The following PTPRE variants were observed in gnomAD, a reference collection of about 807,000 sequenced individuals.
PTPRE encodes protein tyrosine phosphatase receptor type E.
PTPRE carries 51 observed loss-of-function variants against 102.0 expected under a neutral mutation model. The observed-to-expected ratio is 0.50, with a 90% CI of 0.40 to 0.63. The LOEUF (loss-of-function observed/expected upper bound fraction) is 0.63. PTPRE is among the 30% of genes least tolerant of loss of function. The pLI is 0.00. For missense variants in PTPRE, 752 were observed against 915.1 expected, an observed-to-expected ratio of 0.82 and a Z score of 2.30; for synonymous variants, 345 against 348.2, an observed-to-expected ratio of 0.99 and a Z score of 0.10.
chr10:127,926,299 T>C (rs1847006202), intron 1 of PTPRE, among the ~76,000 whole-genome samples: 1 of 152,250 alleles, frequency 6.6e-6, no homozygotes, highest in African/African-American at 2.4e-5. Flanking sequence ...GTACAGATTG[T>C]TGAAAATTTT....
rs145733690 is a variant in PTPRE at position 128,070,312 on chromosome 10, G to A, written c.1155G>A (p.Thr385=). The change falls in exon 14 of 21, where the codon ACG becomes ACA. Residue 385 remains threonine (T), a synonymous_variant. Transcript: ENST00000254667. This position sits in a 1 kb window ranked among gnomAD's most constrained non-coding sequence, Gnocchi z 4.8. ...PQMVQTDMQY[T]FIYQALLEYY... ...TGGCCTCTCTGCAGATGCAGTACAC[G>A]TTCATCTACCAAGCCTTACTCGAGT... The A allele has an allele frequency of 3.6e-5, 58 of 1,611,316 alleles. No homozygotes were observed. Among genetic ancestry groups the A allele is most frequent in the African/African-American group, 5.3e-5 (4 of 74,908 alleles).
chr10:128,057,074 G>C lies in PTPRE; in HGVS notation c.511+861G>C, dbSNP rs4595460. ...CTACTAAAAATACAAAATATTAGCCGGGCATGGTGGTGGACGCCTGTAATT... is the reference window on the plus strand; with the variant it reads ...CTACTAAAAATACAAAATATTAGCCCGGCATGGTGGTGGACGCCTGTAATT... On this transcript the variant is annotated intron_variant, in intron 7 of 20. Coordinates refer to ENST00000254667, the MANE Select transcript of PTPRE (RefSeq NM_006504.6). 8.2e-3 allele frequency among the ~76,000 whole-genome samples: 1,253 copies of C among 152,156 alleles called. 11 individuals are homozygous for C. The highest frequency in any genetic ancestry group is 0.027 in the African/African-American group (1,122 of 41,488).
At chr10:128,080,211 G>C (rs1387156925) in intron 20 of PTPRE, among the ~76,000 whole-genome samples, 1 of 152,188 alleles carries the variant, frequency 6.6e-6, no homozygotes, top group African/African-American at 2.4e-5. Context: ...TTCATTTCAA[G>C]GACTCCTGCT....
chr10:128,003,098 A>G (rs1177478042), intron 2 of PTPRE, among the ~76,000 whole-genome samples: 1 of 152,166 alleles, frequency 6.6e-6, no homozygotes, highest in South Asian at 2.1e-4. Flanking sequence ...TGTGGCTCAG[A>G]CACTGGGTTC....
At chr10:127,947,279 T>C (rs558396439) in intron 1 of PTPRE, among the ~76,000 whole-genome samples, 1 of 152,132 alleles carries the variant, frequency 6.6e-6, no homozygotes, top group East Asian at 1.9e-4. Flanking sequence ...GAAAACAAAA[T>C]AAATAAAAAT....
At chr10:128,030,792 C>T (rs922497295) in intron 2 of PTPRE, among the ~76,000 whole-genome samples, 4 of 152,156 alleles carry the variant, frequency 2.6e-5, no homozygotes, top group Non-Finnish European at 2.9e-5. Context: ...GTTCCCAGGG[C>T]CCTGTGCTCT....
rs552197029 is a variant in PTPRE, at chr10:128,045,916, G to C, written c.110-1474G>C. On this transcript the variant is annotated intron_variant, in intron 3 of 20. Coordinates refer to ENST00000254667, the MANE Select transcript of PTPRE (RefSeq NM_006504.6). The stretch of plus-strand genomic sequence containing the variant: ...AGGACAGCCAGGCTGCCAGGCTACT[G>C]ACACTGCTAGCCAGATGGGGGAGGC... Among the ~76,000 whole-genome samples, 8 of 152,314 alleles carry C rather than the reference G, an allele frequency of 5.3e-5. No homozygotes were observed. The East Asian group carries it at 1.5e-3, about 29-fold the overall frequency.
At chr10:127,937,967 A>G (rs545340097) in intron 1 of PTPRE, among the ~76,000 whole-genome samples, 2 of 152,190 alleles carry the variant, frequency 1.3e-5, no homozygotes, top group Non-Finnish European at 2.9e-5. Flanking sequence ...ATAAAGGTGT[A>G]AGAATAATTC....
At chr10:127,969,876 C>T (rs1424380619) in intron 1 of PTPRE, among the ~76,000 whole-genome samples, 1 of 151,960 alleles carries the variant, frequency 6.6e-6, no homozygotes, top group Non-Finnish European at 1.5e-5. Flanking sequence ...GGTTCTGGAG[C>T]ATCCGTGGCT....
At chr10:128,017,773 C>G (rs907665602) in intron 2 of PTPRE, among the ~76,000 whole-genome samples, 3 of 152,112 alleles carry the variant, frequency 2.0e-5, no homozygotes, top group African/African-American at 7.3e-5. Flanking sequence ...GGCGCAGAGG[C>G]TTTCACTCTG....
chr10:127,938,738 G>A (rs1009048720), intron 1 of PTPRE, among the ~76,000 whole-genome samples: 12 of 151,992 alleles, frequency 7.9e-5, no homozygotes, highest in Non-Finnish European at 1.3e-4. Context: ...GATAAAATTA[G>A]TATCAATGCT....
At chr10:128,023,748 A>C (rs1158917833) in intron 2 of PTPRE, among the ~76,000 whole-genome samples, 2 of 152,212 alleles carry the variant, frequency 1.3e-5, no homozygotes, top group Non-Finnish European at 2.9e-5. Flanking sequence ...AGACTGCAAA[A>C]GTATTGAGGG....
intron 2 of PTPRE, among the ~76,000 whole-genome samples, chr10:128,037,957 A>ATTTTTTTTTTTTTT (rs34089996): frequency 1.7e-5 from 2 of 115,956 alleles, no homozygotes; most frequent in Non-Finnish European, 1.7e-5. Context: ...TGTCCGGCTA[A>ATTTTTTTTTTTTTT]TTTTTTTTTT....
chr10:127,969,713 T>C, intron 1 of PTPRE, among the ~76,000 whole-genome samples: 1 of 151,024 alleles, frequency 6.6e-6, no homozygotes, highest in South Asian at 2.1e-4. Flanking sequence ...AGACATGAGC[T>C]TTGTGTGTGT....
intron 1 of PTPRE, among the ~76,000 whole-genome samples, chr10:127,976,055 G>C (rs533152037): frequency 5.9e-5 from 9 of 152,066 alleles, no homozygotes; most frequent in Non-Finnish European, 1.0e-4. Flanking sequence ...CTTCTGCAAG[G>C]GTCTTCTCTT....
intron 16 of PTPRE, chr10:128,072,653 C>T (rs1185263154): frequency 9.2e-6 from 1 of 108,388 alleles, no homozygotes; most frequent in Admixed American, 1.0e-4. Flanking sequence ...GCGAGACCCC[C>T]TCTCAAAAAA....
intron 2 of PTPRE, among the ~76,000 whole-genome samples, chr10:128,010,545 CCTTTTCTTTTCTTTTCTTTTCTTTT>C (rs59253362): frequency 0.013 from 1,699 of 128,326 alleles, 42 homozygotes; most frequent in African/African-American, 0.048. Flanking sequence ...AAACCCTGTT[CCTTTTCTTTTCTTTTCTTTTCTTTT>C]CTTTTCTTTT....
intron 2 of PTPRE, among the ~76,000 whole-genome samples, chr10:128,012,852 G>T (rs1258976290): frequency 1.3e-5 from 2 of 152,166 alleles, no homozygotes; most frequent in African/African-American, 4.8e-5. Context: ...AGGCAGCAAG[G>T]TTGTCGAATC....
At chr10:127,957,669 C>T (rs1050814000) in intron 1 of PTPRE, among the ~76,000 whole-genome samples, 2 of 152,130 alleles carry the variant, frequency 1.3e-5, no homozygotes, top group African/African-American at 2.4e-5. Flanking sequence ...TTCAATATTG[C>T]GTTGGCTATT....
Sources: allele counts gnomAD v4.1 joint callset (sites outside exome capture counted in the v4.1 genomes callset), GRCh38; gene constraint gnomAD v4.1.1; non-coding constraint Gnocchi (gnomAD v3.1); transcripts MANE v1.5; gene names NCBI Gene and HGNC (gene_info 2026-07-23, HGNC 2026-07-21).